The following KCNN3 variants were observed in gnomAD, a reference collection of about 807,000 sequenced individuals.
KCNN3 encodes the protein small conductance calcium-activated potassium channel protein 3.
KCNN3 carries 16 observed loss-of-function variants against 62.9 expected under a neutral mutation model. That is an observed-to-expected ratio of 0.25 (90% CI 0.17 to 0.39). The LOEUF is 0.39. Among genes scored for constraint, KCNN3 ranks in the 10% least tolerant of loss-of-function variants. KCNN3 has a pLI of 1.00. For synonymous variants in KCNN3, 370 were observed against 389.2 expected (o/e 0.95, Z 0.58); for missense variants, 599 against 949.4 (o/e 0.63, Z 4.85).
At chr1:154,787,385 G>A (rs1296821095) in intron 2 of KCNN3, among the ~76,000 whole-genome samples, 1 of 152,256 alleles carries the variant, frequency 6.6e-6, no homozygotes, top group Non-Finnish European at 1.5e-5. Flanking sequence ...TCACCACAGC[G>A]ACTGCTGCTG....
Position 154,707,983 on chromosome 1 carries a change from C to G in KCNN3, c.2189G>C (p.Ser730Thr). 6.2e-7 allele frequency: 1 copy of G among 1,613,346 alleles called. No homozygotes were observed. The highest frequency in any genetic ancestry group is 8.5e-7 in the Non-Finnish European group (1 of 1,179,590). The change falls in exon 8 of 8, where the codon AGT (serine) becomes ACT (threonine). Residue 730 changes from serine (S) to threonine (T), a missense_variant. Physicochemically the swap from Ser to Thr is moderately conservative, Grantham distance 58. This residue lies in a region of KCNN3 where 52 missense variants were observed against 53.3 expected (regional missense o/e 0.98). Transcript: ENST00000271915. ...SFPTPYTSSS[S>T]C ...TGGAGTGGGGAGATTTATTTAGCAA[C>G]TGCTTGAACTTGTGTACGGGGTCGG...
At chr1:154,728,156 C>A (rs915957335) in intron 4 of KCNN3, among the ~76,000 whole-genome samples, 2 of 146,530 alleles carry the variant, frequency 1.4e-5, no homozygotes, top group African/African-American at 5.5e-5. Flanking sequence ...CAGCGCTTGC[C>A]ATGGCCCACA....
At position 154,843,944 on chromosome 1, in the gene KCNN3, T is replaced by C. The variant is rs115118144; in HGVS notation, c.934-21760A>G. Among the ~76,000 whole-genome samples, 901 of 152,244 alleles carry C rather than the reference T, an allele frequency of 5.9e-3. 7 individuals are homozygous for C. The highest frequency in any genetic ancestry group is 0.021 in the African/African-American group (879 of 41,552). ...CACAAGAGTCCAGCACAGGGTGCGG[T>C]GCCCCTGCCTCGGTGACTGCCCCGA... On this transcript the variant is annotated intron_variant, in intron 1 of 7. Transcript: ENST00000271915.
chr1:154,806,176 T>C (rs1236362145), intron 2 of KCNN3, among the ~76,000 whole-genome samples: 2 of 152,198 alleles, frequency 1.3e-5, no homozygotes, highest in African/African-American at 2.4e-5. Context: ...TAGGGAGTGT[T>C]CCTGGTCACC....
chr1:154,715,155 A>T, intron 5 of KCNN3, 152 bp from the exon 6 acceptor site: 1 of 993,668 alleles, frequency 1.0e-6, no homozygotes, highest in South Asian at 1.4e-5. Context: ...AAGATGATTA[A>T]GGCCGGGCAC....
At position 154,772,560 on chromosome 1, in the gene KCNN3, G is replaced by C. The variant is rs11264258; in HGVS notation, c.1030-167C>G. 0.013 allele frequency among the ~76,000 whole-genome samples: 1,947 copies of C among 152,306 alleles called. 34 individuals carry two copies. Among genetic ancestry groups the C allele is most frequent in the African/African-American group, 0.044 (1,832 of 41,556 alleles). Reference sequence around the variant, plus strand: ...GCTATGTGGCAAGAGCCCTGTATGTGGAGTAGGGAGAGCTGGATTCAGTCT... The same window carrying C: ...GCTATGTGGCAAGAGCCCTGTATGTCGAGTAGGGAGAGCTGGATTCAGTCT... On this transcript the variant is annotated intron_variant, in intron 2 of 7. Coordinates refer to ENST00000271915, the MANE Select transcript of KCNN3 (RefSeq NM_002249.6). The surrounding 1 kb of genome is among the most constrained non-coding windows in gnomAD (Gnocchi z 5.6).
In KCNN3 at chr1:154,772,219, C is replaced by T. The variant is rs267598058; in HGVS notation, c.1204G>A (p.Asp402Asn). The change falls in exon 3 of 8, where the codon GAT becomes AAT. Residue 402 changes from aspartate to asparagine, a missense_variant. Asp to Asn is a conservative substitution (Grantham distance 23, BLOSUM62 1). Transcript: ENST00000271915. This position sits in a 1 kb window ranked among gnomAD's most constrained non-coding sequence, Gnocchi z 5.6. ...FSYTPSRAEA[D>N]VDIILSIPMF... The stretch of plus-strand genomic sequence containing the variant: ...GGGATAGACAGGATGATGTCCACAT[C>T]GGCCTCCGCCCGGGAGGGTGTGTAG... 6.2e-6 allele frequency: 10 copies of T among 1,614,230 alleles called. No individual in the cohort carries two copies. The highest frequency in any genetic ancestry group is 2.2e-5 in the East Asian group (1 of 44,888).
At position 154,698,007 on chromosome 1, in the gene KCNN3, CTAT is replaced by C. The variant is rs759566911; in HGVS notation, c.*9966_*9968del. ...TATTACTGTGTATAAGTATAAAGTA[CTAT>C]TATTTAGTAATCACTGAGTTGGTAA... is the stretch of plus-strand genomic sequence containing the variant. On this transcript the variant is annotated 3_prime_UTR_variant, in exon 8 of 8. Coordinates refer to ENST00000271915, the MANE Select transcript of KCNN3 (RefSeq NM_002249.6). 10 of 152,040 alleles carry C rather than the reference CTAT, an allele frequency of 6.6e-5. No individual in the cohort carries two copies. Among genetic ancestry groups the C allele is most frequent in the Non-Finnish European group, 1.5e-4 (10 of 68,022 alleles). The allele number at this position is 152,040 out of a possible 1,614,324, so 9.4% of individuals were successfully genotyped here.
chr1:154,859,616 G>T, intron 1 of KCNN3: 1 of 1,416,312 alleles, frequency 7.1e-7, no homozygotes, highest in Non-Finnish European at 1.0e-6. Context: ...AGGTCAGCAA[G>T]GTTCAATGGC....
chr1:154,821,957 T>A (rs1344235933), intron 2 of KCNN3, 132 bp downstream of exon 2: 1 of 718,672 alleles, frequency 1.4e-6, no homozygotes, highest in Non-Finnish European at 2.5e-6. Context: ...AGAGCCACGA[T>A]CTTGGGCACC....
intron 2 of KCNN3, among the ~76,000 whole-genome samples, chr1:154,783,163 A>G (rs6426935): frequency 0.29 from 43,301 of 150,960 alleles, 6,429 homozygotes; most frequent in East Asian, 0.44. Flanking sequence ...CAGTGAGTCG[A>G]GATCGCACCA....
At chr1:154,855,620 T>C (rs1409248717) in intron 1 of KCNN3, among the ~76,000 whole-genome samples, 1 of 152,198 alleles carries the variant, frequency 6.6e-6, no homozygotes. Flanking sequence ...ACCTAGTCTG[T>C]GTAAGTGCAC....
At chr1:154,753,476 T>C (rs1440894026) in intron 3 of KCNN3, among the ~76,000 whole-genome samples, 3 of 152,220 alleles carry the variant, frequency 2.0e-5, no homozygotes, top group African/African-American at 7.2e-5. Flanking sequence ...CTTTGCGTCT[T>C]ATGTTCTTTC....
chr1:154,767,737 G>A (rs887341734), intron 3 of KCNN3, among the ~76,000 whole-genome samples: 2 of 152,166 alleles, frequency 1.3e-5, no homozygotes, highest in African/African-American at 2.4e-5. Context: ...GTCAGGCCTC[G>A]GAACCCATGA....
intron 3 of KCNN3, among the ~76,000 whole-genome samples, chr1:154,745,486 C>T (rs1431892583): frequency 2.6e-5 from 4 of 152,242 alleles, no homozygotes. Flanking sequence ...GCTGGTGTCA[C>T]ACAGCTGGAT....
chr1:154,868,900 A>ATC (rs60145117), intron 1 of KCNN3, 132 bp downstream of exon 1: 15,556 of 756,202 alleles, frequency 0.021, 196 homozygotes, highest in African/African-American at 0.1. Context: ...CAATCTCTCA[A>ATC]TCTCTCTCTC....
chr1:154,806,768 C>T (rs1320521554), intron 2 of KCNN3, among the ~76,000 whole-genome samples: 3 of 152,084 alleles, frequency 2.0e-5, no homozygotes, highest in Admixed American at 1.3e-4. Context: ...AAATTTGGTG[C>T]CCAATGAATA....
chr1:154,798,058 A>G (rs1379949706), intron 2 of KCNN3, among the ~76,000 whole-genome samples: 1 of 152,174 alleles, frequency 6.6e-6, no homozygotes, highest in Admixed American at 6.5e-5. Flanking sequence ...TTTCAGCTCC[A>G]TGACTGCCAT....
chr1:154,838,694 C>T (rs776380743), intron 1 of KCNN3, among the ~76,000 whole-genome samples: 15 of 152,190 alleles, frequency 9.9e-5, no homozygotes, highest in Non-Finnish European at 1.8e-4. Flanking sequence ...TCCGCCTCTG[C>T]GCTTCCTCCA....
Sources: gnomAD v4.1 joint callset for allele counts (sites outside exome capture counted in the v4.1 genomes callset) on GRCh38, gnomAD v4.1.1 for gene constraint, gnomAD v4.1.1 regional missense constraint, Gnocchi (gnomAD v3.1) non-coding constraint, MANE v1.5 for transcripts, NCBI Gene and HGNC (gene_info 2026-07-23, HGNC 2026-07-21) for gene names.